REV1: variants seen among roughly 807,000 people sequenced by gnomAD.
The protein encoded by REV1 is translesion synthesis protein REV1.
Under a neutral mutation model 137.4 loss-of-function variants are expected in REV1, and 42 were observed. The ratio of observed to expected loss-of-function variants is 0.31; its 90% CI spans 0.24 to 0.40. The LOEUF is 0.40. REV1 is among the 10% of genes least tolerant of loss of function. The pLI, the probability that REV1 is intolerant of heterozygous loss-of-function variation, is 1.00. For missense variants in REV1, 1,282 were observed against 1,490.1 expected, an observed-to-expected ratio of 0.86 and a Z score of 2.30; for synonymous variants, 524 against 519.2, an observed-to-expected ratio of 1.01 and a Z score of -0.12.
chr2:99,481,640 A>G (rs1374337096), intron 1 of REV1, among the ~76,000 whole-genome samples: 1 of 152,086 alleles, frequency 6.6e-6, no homozygotes, highest in Non-Finnish European at 1.5e-5. Flanking sequence ...AGGCAGGAGG[A>G]TCACTTGAGG....
At chr2:99,490,057 A>C (rs1687556377), upstream of REV1, 1 of 67,188 alleles carries the variant, frequency 1.5e-5, no homozygotes, top group African/African-American at 6.9e-5. Context: ...CGCCGCAGCC[A>C]CGCCCCCTAG....
intron 3 of REV1, among the ~76,000 whole-genome samples, chr2:99,460,114 AT>A (rs1435847517): frequency 6.6e-6 from 1 of 151,956 alleles, no homozygotes; most frequent in African/African-American, 2.4e-5. Context: ...TTTTCACTCT[AT>A]CGCCAGGCTG....
rs534351597 is a variant in REV1, at chr2:99,457,042, T to C, written c.181+5454A>G. On this transcript the variant is annotated intron_variant, in intron 3 of 22. Coordinates refer to ENST00000258428, the MANE Select transcript of REV1 (RefSeq NM_016316.4). ...CTAAGACCAAGCTAAACATTTCGAT[T>C]CCTTTATGAAGTATTCACTCCCACT... 3.3e-5 allele frequency among the ~76,000 whole-genome samples: 5 copies of C among 152,334 alleles called. No homozygotes were observed. In the South Asian group the frequency reaches 1.0e-3, roughly 32 times the overall value.
intron 1 of REV1, among the ~76,000 whole-genome samples, chr2:99,485,241 G>A (rs1471276664): frequency 1.3e-5 from 2 of 152,192 alleles, no homozygotes; most frequent in Admixed American, 6.5e-5. Context: ...AATAATTCAA[G>A]TTGTATTAGC....
At position 99,402,759 on chromosome 2, in the gene REV1, A is replaced by G; in HGVS notation, c.3426T>C (p.Ser1142=). ...AGCCAGCTGGGTCAGACTGCAAACTAGAAAGGCCTGGCACACCTGAAGTAG... is the reference window on the plus strand; with the variant it reads ...AGCCAGCTGGGTCAGACTGCAAACTGGAAAGGCCTGGCACACCTGAAGTAG... ...SASTSGVPGL[S]SLQSDPAGCV... The change falls in exon 21 of 23, where the codon TCT becomes TCC. Residue 1142 remains serine, a synonymous_variant. Coordinates refer to ENST00000258428, the MANE Select transcript of REV1 (RefSeq NM_016316.4). The G allele has an allele frequency of 6.2e-7, 1 of 1,614,238 alleles. No individual in the cohort carries two copies. The highest frequency in any genetic ancestry group is 8.5e-7 in the Non-Finnish European group (1 of 1,180,038).
intron 1 of REV1, among the ~76,000 whole-genome samples, chr2:99,469,862 G>C (rs1377982097): frequency 6.6e-6 from 1 of 151,984 alleles, no homozygotes; most frequent in Non-Finnish European, 1.5e-5. Flanking sequence ...ATGTAAAAAT[G>C]ATATTTCCTA....
chr2:99,447,906 CAG>C (rs906548985), intron 4 of REV1, among the ~76,000 whole-genome samples: 1 of 152,034 alleles, frequency 6.6e-6, no homozygotes, highest in African/African-American at 2.4e-5. Flanking sequence ...TTAGTACAGA[CAG>C]GGTTTCACCA....
chr2:99,407,237 G>A (rs1676456449), intron 15 of REV1, among the ~76,000 whole-genome samples: 1 of 151,278 alleles, frequency 6.6e-6, no homozygotes, highest in Non-Finnish European at 1.5e-5. Flanking sequence ...TATGAGGCAT[G>A]CACCACCACA....
intron 9 of REV1, chr2:99,424,910 AT>A (rs1343724714): frequency 7.7e-7 from 1 of 1,298,652 alleles, no homozygotes; most frequent in Non-Finnish European, 1.0e-6. Flanking sequence ...CTAATTGAAA[AT>A]GGTAAATTTT....
intron 9 of REV1, among the ~76,000 whole-genome samples, chr2:99,428,807 G>C (rs1274489134): frequency 6.6e-6 from 1 of 152,072 alleles, no homozygotes. Context: ...GGCTAACACG[G>C]TGAAATCCTG....
chr2:99,453,457 C>A (rs1402126759), intron 3 of REV1, among the ~76,000 whole-genome samples: 1 of 152,118 alleles, frequency 6.6e-6, no homozygotes. Flanking sequence ...AGCTCTAGAG[C>A]TAAAGCTGCT....
intron 8 of REV1, chr2:99,431,977 T>G (rs1168227917): frequency 1.2e-6 from 1 of 825,140 alleles, no homozygotes; most frequent in Non-Finnish European, 1.5e-6. Context: ...AATCTATGAC[T>G]AATACGATTT....
At chr2:99,444,720 C>T (rs910885590) in intron 4 of REV1, among the ~76,000 whole-genome samples, 1 of 152,172 alleles carries the variant, frequency 6.6e-6, no homozygotes, top group Admixed American at 6.5e-5. Context: ...GTTGTATACT[C>T]CTAACTACCC....
Position 99,442,358 on chromosome 2 carries a change from C to G in REV1, c.462G>C (p.Leu154=). 1 of 1,612,626 alleles carries G rather than the reference C, an allele frequency of 6.2e-7. No individual in the cohort carries two copies. The highest frequency in any genetic ancestry group is 1.1e-5 in the South Asian group (1 of 91,042). The change falls in exon 5 of 23, where the codon CTG becomes CTC. Residue 154 remains leucine (L), a synonymous_variant. Coordinates refer to ENST00000258428, the MANE Select transcript of REV1 (RefSeq NM_016316.4). ...FNPVCRPEDP[L]PGPSNIAKQL... is the part of the protein sequence containing the mutation. ...GTTTGGCTATATTGCTTGGACCTGG[C>G]AGAGGATCCTCAGGTCTGCATACAG...
rs907121395 is a variant in REV1, at chr2:99,400,614, C to T, written c.*627G>A. On this transcript the variant is annotated 3_prime_UTR_variant, in exon 23 of 23. Coordinates refer to ENST00000258428, the MANE Select transcript of REV1 (RefSeq NM_016316.4). ...GGCCAGTAGAAGCAAAAAGACAACA[C>T]CACCTCTGATCTACGGGACATAATG... 1 of 152,220 alleles carries T rather than the reference C, an allele frequency of 6.6e-6. No individual in the cohort carries two copies. Among genetic ancestry groups the T allele is most frequent in the Middle Eastern group, 3.4e-3 (1 of 294 alleles). 9.4% of individuals were successfully genotyped at this position (152,220 alleles called of 1,614,324 possible). A position where few individuals can be genotyped will look rare whatever the true frequency, so the allele number is the denominator to read the frequency against.
At chr2:99,411,410 C>CT (rs1677125062) in intron 13 of REV1, among the ~76,000 whole-genome samples, 1 of 142,688 alleles carries the variant, frequency 7.0e-6, no homozygotes, top group East Asian at 2.1e-4. Flanking sequence ...TCCTTTCTTT[C>CT]CTTTTTTTTT....
In REV1 at chr2:99,402,295, AT is replaced by A; in HGVS notation, c.3592del (p.Ile1198Ter). 2 of 1,524,730 alleles carry A rather than the reference AT, an allele frequency of 1.3e-6. No individual in the cohort carries two copies. Among genetic ancestry groups the A allele is most frequent in the Non-Finnish European group, 1.8e-6 (2 of 1,112,386 alleles). The allele number at this position is 1,524,730 out of a possible 1,614,324, so 94.5% of individuals were successfully genotyped here. A position where few individuals can be genotyped will look rare whatever the true frequency, so the allele number is the denominator to read the frequency against. On this transcript the variant is annotated frameshift_variant, in exon 22 of 23. Coordinates refer to ENST00000258428, the MANE Select transcript of REV1 (RefSeq NM_016316.4). LOFTEE classifies it high-confidence loss of function. ...LQVVKYCTDL[I>X]EEKDLEKLDL... ...CAGTTTTTCCAAATCTTTTTCTTCT[AT>A]TAGATCAGTACAGTATTTCACAACT... is the stretch of plus-strand genomic sequence containing the variant.
At chr2:99,473,686 T>C (rs1002461715) in intron 1 of REV1, among the ~76,000 whole-genome samples, 7 of 152,220 alleles carry the variant, frequency 4.6e-5, no homozygotes, top group African/African-American at 1.7e-4. Flanking sequence ...CTGTTGCTAA[T>C]TTTTTCTGCT....
chr2:99,469,007 T>TCAC (rs1185603460), intron 1 of REV1, among the ~76,000 whole-genome samples: 1 of 152,212 alleles, frequency 6.6e-6, no homozygotes, highest in East Asian at 1.9e-4. Flanking sequence ...TACGACTGCC[T>TCAC]AACAATGTGA....
Sources: gnomAD v4.1 joint callset for allele counts (sites outside exome capture counted in the v4.1 genomes callset) on GRCh38, gnomAD v4.1.1 for gene constraint, MANE v1.5 for transcripts, NCBI Gene and HGNC (gene_info 2026-07-23, HGNC 2026-07-21) for gene names.